The following PHF21B variants were observed in gnomAD, a reference collection of about 807,000 sequenced individuals.
The protein encoded by PHF21B is PHD finger protein 4.
Under a neutral mutation model 62.2 loss-of-function variants are expected in PHF21B, and 22 were observed. That is an observed-to-expected ratio of 0.35 (90% confidence interval 0.25 to 0.51). The LOEUF is 0.51. Ranked by LOEUF, PHF21B falls within the 20% of genes least tolerant of loss-of-function variation. The pLI is 0.97. For synonymous variants in PHF21B, 341 were observed against 314.7 expected, an observed-to-expected ratio of 1.08 and a Z score of -0.88; for missense variants, 701 against 707.9, an observed-to-expected ratio of 0.99 and a Z score of 0.11.
At chr22:44,961,708 G>A (rs1395867127) in intron 2 of PHF21B, among the ~76,000 whole-genome samples, 3 of 152,144 alleles carry the variant, frequency 2.0e-5, no homozygotes, top group Non-Finnish European at 2.9e-5. Context: ...AGGCGTGGTG[G>A]TGCACCCCTG....
chr22:44,917,671 C>T (rs1160241397), intron 3 of PHF21B, among the ~76,000 whole-genome samples: 4 of 152,180 alleles, frequency 2.6e-5, no homozygotes, highest in Non-Finnish European at 1.5e-5. Flanking sequence ...AATGATGCTA[C>T]CGTCGTTATC....
At chr22:44,950,658 A>G (rs2072174955) in intron 2 of PHF21B, among the ~76,000 whole-genome samples, 1 of 152,102 alleles carries the variant, frequency 6.6e-6, no homozygotes, top group Non-Finnish European at 1.5e-5. Context: ...GCGGTTTTGA[A>G]GGTTTTACGG....
chr22:44,967,371 TCAC>T (rs1287030147), intron 2 of PHF21B, among the ~76,000 whole-genome samples: 4 of 151,754 alleles, frequency 2.6e-5, no homozygotes, highest in Non-Finnish European at 5.9e-5. Context: ...CAGGTGCCCA[TCAC>T]CACACCTGGC....
chr22:45,008,863 C>T (rs1307881132), intron 1 of PHF21B: 4 of 1,182,094 alleles, frequency 3.4e-6, no homozygotes, highest in Non-Finnish European at 4.2e-6. Flanking sequence ...GCGGCGCGCC[C>T]CGAGCCGTGC....
intron 2 of PHF21B, among the ~76,000 whole-genome samples, chr22:45,006,156 C>G (rs1470382493): frequency 1.3e-5 from 2 of 152,188 alleles, no homozygotes; most frequent in African/African-American, 4.8e-5. Flanking sequence ...TGCTGAACCA[C>G]GGCCGCAGCC....
At chr22:44,989,594 C>T (rs1306911176) in intron 2 of PHF21B, 1 of 146,706 alleles carries the variant, frequency 6.8e-6, no homozygotes, top group Non-Finnish European at 1.5e-5. Context: ...CACAAGCCAC[C>T]ACAACTCGAC....
intron 2 of PHF21B, among the ~76,000 whole-genome samples, chr22:44,940,457 G>T (rs1205308743): frequency 6.6e-6 from 1 of 152,252 alleles, no homozygotes; most frequent in Non-Finnish European, 1.5e-5. Context: ...GGGCCAACAG[G>T]ATGCAGGAGG....
At chr22:44,894,427 G>A (rs548851362) in intron 6 of PHF21B, among the ~76,000 whole-genome samples, 2 of 152,274 alleles carry the variant, frequency 1.3e-5, no homozygotes, top group East Asian at 3.9e-4. Context: ...ACCTTGCCTA[G>A]GGACTCCGGC....
At chr22:44,971,922 TA>T (rs1459111237) in intron 2 of PHF21B, among the ~76,000 whole-genome samples, 1 of 152,218 alleles carries the variant, frequency 6.6e-6, no homozygotes, top group Non-Finnish European at 1.5e-5. Flanking sequence ...CAGCTGCTAA[TA>T]AACACATAAG....
At position 44,947,155 on chromosome 22, in the gene PHF21B, A is replaced by C. The variant is rs529367690; in HGVS notation, c.121-26665T>G. 6.6e-5 allele frequency among the ~76,000 whole-genome samples: 10 copies of C among 152,330 alleles called. No individual in the cohort carries two copies. The East Asian group carries it at 1.9e-3, about 29-fold the overall frequency. On this transcript the variant is annotated intron_variant, in intron 2 of 12. Transcript: ENST00000313237. ...TTCCCCATGAGAAGCCTGGCCTTGC[A>C]GGCTGAGCTGTCCCAGTCCCCAGGC...
intron 2 of PHF21B, among the ~76,000 whole-genome samples, chr22:44,993,118 A>G (rs2073067374): frequency 6.6e-6 from 1 of 152,180 alleles, no homozygotes; most frequent in African/African-American, 2.4e-5. Flanking sequence ...GAAATGCCAC[A>G]TCCATGTGCG....
At chr22:44,982,328 G>A (rs1009725247) in intron 2 of PHF21B, among the ~76,000 whole-genome samples, 2 of 152,230 alleles carry the variant, frequency 1.3e-5, no homozygotes, top group East Asian at 3.8e-4. Context: ...GAGGAAAGAC[G>A]ACAAGATCAT....
intron 9 of PHF21B, among the ~76,000 whole-genome samples, chr22:44,888,833 AG>A (rs1296500976): frequency 6.6e-6 from 1 of 152,032 alleles, no homozygotes; most frequent in African/African-American, 2.4e-5. Flanking sequence ...TCACACAGGG[AG>A]GGGGAGGCAG....
rs558848573 is a variant in PHF21B at position 44,992,807 on chromosome 22, G to A, written c.120+15738C>T. ...GACCTGACGCTGACCCCCCAGAGAG[G>A]CTCTCGGGACCCTACCCAGCCTGCT... is the stretch of plus-strand genomic sequence containing the variant. On this transcript the variant is annotated intron_variant, in intron 2 of 12. Coordinates refer to ENST00000313237, the MANE Select transcript of PHF21B (RefSeq NM_138415.5). Among the ~76,000 whole-genome samples the A allele has an allele frequency of 5.7e-3, 864 of 152,280 alleles. 6 individuals are homozygous for A. Among genetic ancestry groups the A allele is most frequent in the African/African-American group, 0.02 (834 of 41,556 alleles).
At chr22:44,977,777 G>A (rs868452159) in intron 2 of PHF21B, among the ~76,000 whole-genome samples, 9 of 150,358 alleles carry the variant, frequency 6.0e-5, no homozygotes, top group African/African-American at 2.2e-4. Flanking sequence ...TGTAGAGATG[G>A]AGTTTTACCA....
intron 5 of PHF21B, chr22:44,901,693 G>T (rs79568774): frequency 0.043 from 19,284 of 453,466 alleles, 766 homozygotes; most frequent in African/African-American, 0.14. Flanking sequence ...AAAGCCCAAG[G>T]GGGAAGCCCC....
At chr22:44,993,048 C>T (rs1343727848) in intron 2 of PHF21B, among the ~76,000 whole-genome samples, 3 of 152,200 alleles carry the variant, frequency 2.0e-5, no homozygotes, top group Non-Finnish European at 2.9e-5. Context: ...TCCACTCTGC[C>T]ACTCCCTGAG....
Position 44,943,543 on chromosome 22 carries a change from C to T in PHF21B, c.121-23053G>A, listed in dbSNP as rs889493821. ...ACATCTCCGTCTCCTCGTGGGGACACGGGCAGCTGCACGCTTCCTCCAGGC... is the reference window on the plus strand; with the variant it reads ...ACATCTCCGTCTCCTCGTGGGGACATGGGCAGCTGCACGCTTCCTCCAGGC... On this transcript the variant is annotated intron_variant, in intron 2 of 12. Transcript: ENST00000313237. Among the ~76,000 whole-genome samples, 12 of 152,290 alleles carry T rather than the reference C, an allele frequency of 7.9e-5. 1 individual carries two copies. The highest frequency in any genetic ancestry group is 6.5e-5 in the Admixed American group (1 of 15,302).
intron 5 of PHF21B, among the ~76,000 whole-genome samples, chr22:44,903,792 C>T (rs796690794): frequency 4.6e-5 from 7 of 152,308 alleles, no homozygotes; most frequent in African/African-American, 1.7e-4. Flanking sequence ...TTAGTATTTA[C>T]ATTAATATGT....
Sources: gnomAD v4.1 joint callset for allele counts (sites outside exome capture counted in the v4.1 genomes callset) on GRCh38, gnomAD v4.1.1 for gene constraint, MANE v1.5 for transcripts, NCBI Gene and HGNC (gene_info 2026-07-23, HGNC 2026-07-21) for gene names.